The following HELZ variants were observed in gnomAD, a reference collection of about 807,000 sequenced individuals.
HELZ encodes ATP-dependent RNA helicase with zinc finger domain.
Under a neutral mutation model 218.2 loss-of-function variants are expected in HELZ, and 23 were observed. The observed-to-expected ratio is 0.11, with a 90% confidence interval of 0.08 to 0.15. The LOEUF (loss-of-function observed/expected upper bound fraction) is 0.15, where lower values mean the gene tolerates loss of function less well. Ranked by LOEUF, HELZ falls within the 10% of genes least tolerant of loss-of-function variation. The probability of loss-of-function intolerance (pLI) is 1.00; values close to 1 mark genes in which losing one functional copy is unlikely to be tolerated. For missense variants in HELZ, 1,813 were observed against 2,353.7 expected, an observed-to-expected ratio of 0.77 and a Z score of 4.75; for synonymous variants, 814 against 829.4, an observed-to-expected ratio of 0.98 and a Z score of 0.32.
intron 24 of HELZ, among the ~76,000 whole-genome samples, chr17:67,124,968 A>C (rs1463729576): frequency 2.0e-5 from 3 of 151,962 alleles, no homozygotes; most frequent in Non-Finnish European, 4.4e-5. Flanking sequence ...TTAGACACAC[A>C]CAAATTTGTA....
At chr17:67,215,064 A>C (rs1169500908) in intron 5 of HELZ, among the ~76,000 whole-genome samples, 1 of 152,060 alleles carries the variant, frequency 6.6e-6, no homozygotes. Flanking sequence ...GGACTGCTTG[A>C]GCCTGGAAGG....
rs546860413 is a variant in HELZ, at chr17:67,188,118, T to C, written c.1162+201A>G. 2 of 512,640 alleles carry C rather than the reference T, an allele frequency of 3.9e-6. No homozygotes were observed. The highest frequency in any genetic ancestry group is 3.2e-5 in the East Asian group (1 of 31,048). 31.8% of individuals were successfully genotyped at this position (512,640 alleles called of 1,614,324 possible). On this transcript the variant is annotated intron_variant, in intron 12 of 32. Transcript: ENST00000358691. This position sits in a 1 kb window ranked among gnomAD's most constrained non-coding sequence, Gnocchi z 4.1. ...TTGGGGAACCTCAAAGTTCAAGCTT[T>C]ACCTGGTGGCTCTGTGAAGAAATCA...
chr17:67,180,221 C>T (rs1425609812), intron 12 of HELZ, among the ~76,000 whole-genome samples: 2 of 152,002 alleles, frequency 1.3e-5, no homozygotes, highest in East Asian at 3.9e-4. Flanking sequence ...CAGTAGCTCC[C>T]GCCTGTAACC....
chr17:67,233,914 C>T (rs1567915280), intron 3 of HELZ, among the ~76,000 whole-genome samples: 1 of 151,624 alleles, frequency 6.6e-6, no homozygotes, highest in Non-Finnish European at 1.5e-5. Flanking sequence ...GGTGTGGTGT[C>T]GGGCACCTGT....
At position 67,086,925 on chromosome 17, in the gene HELZ, A is replaced by T. The variant is rs2036411783; in HGVS notation, c.5398T>A (p.Ser1800Thr). 1 of 1,613,694 alleles carries T rather than the reference A, an allele frequency of 6.2e-7. No homozygotes were observed. Among genetic ancestry groups the T allele is most frequent in the East Asian group, 2.2e-5 (1 of 44,832 alleles). The change falls in exon 32 of 33, where the codon TCC (serine) becomes ACC (threonine). Residue 1800 changes from serine to threonine, a missense_variant. Coordinates refer to ENST00000358691, the MANE Select transcript of HELZ (RefSeq NM_014877.4). ...HSNQSSFNFS[S>T]PESWVNTTSS... Reference sequence around the variant, plus strand: ...GTGGTGTTTACCCAGGACTCCGGGGATGAAAAGTTGAAAGAAGATTGGTTA... The same window carrying T: ...GTGGTGTTTACCCAGGACTCCGGGGTTGAAAAGTTGAAAGAAGATTGGTTA...
At position 67,075,263 on chromosome 17, in the gene HELZ, T is replaced by C. The variant is rs569119591; in HGVS notation, c.*2989A>G. On this transcript the variant is annotated 3_prime_UTR_variant, in exon 33 of 33. Transcript: ENST00000358691. ...CTGAAATTAAAAAGTGAAACAAATA[T>C]TCTGGCAAGAAAAAGAAAACTTCAG... 9 of 152,062 alleles carry C rather than the reference T, an allele frequency of 5.9e-5. No individual in the cohort carries two copies. The East Asian group carries it at 1.3e-3, about 23-fold the overall frequency. 9.4% of individuals were successfully genotyped at this position (152,062 alleles called of 1,614,324 possible).
chr17:67,244,644 C>T, intron 1 of HELZ: 1 of 961,848 alleles, frequency 1.0e-6, no homozygotes, highest in Non-Finnish European at 1.2e-6. Context: ...AGGGAGGGGG[C>T]GCACGCCTGA....
intron 23 of HELZ, among the ~76,000 whole-genome samples, chr17:67,134,620 G>A (rs2038090103): frequency 6.6e-6 from 1 of 151,514 alleles, no homozygotes; most frequent in African/African-American, 2.4e-5. Flanking sequence ...TTAACTTTTT[G>A]AGGGGTCTTA....
intron 13 of HELZ, among the ~76,000 whole-genome samples, chr17:67,178,353 T>C (rs2039515740): frequency 6.6e-6 from 1 of 152,164 alleles, no homozygotes; most frequent in Non-Finnish European, 1.5e-5. Flanking sequence ...TACCATTGAC[T>C]GAAAGCTTCT....
intron 13 of HELZ, among the ~76,000 whole-genome samples, chr17:67,169,517 A>G (rs1396318470): frequency 6.6e-6 from 1 of 152,190 alleles, no homozygotes; most frequent in African/African-American, 2.4e-5. Context: ...TTATCCACTC[A>G]TGAGGGTGGA....
At chr17:67,096,062 T>A (rs934454033) in intron 31 of HELZ, among the ~76,000 whole-genome samples, 67 of 152,332 alleles carry the variant, frequency 4.4e-4, no homozygotes, top group African/African-American at 1.4e-3. Context: ...CACAGCTCCA[T>A]CAGAGTTCTT....
intron 13 of HELZ, 121 bp downstream of exon 13, chr17:67,178,536 TAC>T: frequency 1.3e-6 from 1 of 761,140 alleles, no homozygotes. Flanking sequence ...AAAGATAGAA[TAC>T]AGTTATTCAA....
Position 67,137,832 on chromosome 17 carries a change from A to G in HELZ, c.2953+99T>C, listed in dbSNP as rs577949190. On this transcript the variant is annotated intron_variant, in intron 22 of 32. Coordinates refer to ENST00000358691, the MANE Select transcript of HELZ (RefSeq NM_014877.4). Reference sequence around the variant, plus strand: ...AAAGAACTTGATATGAAATGAACACATAACTTCAGAAAAGAGATCTTGAGT... The same window carrying G: ...AAAGAACTTGATATGAAATGAACACGTAACTTCAGAAAAGAGATCTTGAGT... 6.5e-5 allele frequency: 58 copies of G among 886,084 alleles called. 1 individual carries two copies. The South Asian group carries it at 1.5e-3, about 23-fold the overall frequency. The allele number at this position is 886,084 out of a possible 1,614,324, so 54.9% of individuals were successfully genotyped here. A position where few individuals can be genotyped will look rare whatever the true frequency, so the allele number is the denominator to read the frequency against.
In HELZ at chr17:67,094,351, G is replaced by GAGAGAGAGAT. The variant is rs1567794605; in HGVS notation, c.5242-7271_5242-7270insATCTCTCTCT. 4.5e-4 allele frequency among the ~76,000 whole-genome samples: 68 copies of GAGAGAGAGAT among 150,176 alleles called. 1 individual carries two copies. The highest frequency in any genetic ancestry group is 1.6e-3 in the African/African-American group (65 of 40,562). ...AAAAAAAAAGAGAGAGAGAGAGAGA[G>GAGAGAGAGAT]AGATACAGGCATACCTTGGAGATAT... On this transcript the variant is annotated intron_variant, in intron 31 of 32. Transcript: ENST00000358691.
rs774736510 is a variant in HELZ at position 67,188,419 on chromosome 17, G to A, written c.1062C>T (p.Asn354=). Residue 354 remains asparagine, a synonymous_variant, in exon 12 of 33, where the codon AAC becomes AAT. Coordinates refer to ENST00000358691, the MANE Select transcript of HELZ (RefSeq NM_014877.4). This position sits in a 1 kb window ranked among gnomAD's most constrained non-coding sequence, Gnocchi z 4.1. ...HYVYKVGIAF[N]TEIFGTFRQT... is the part of the protein sequence containing the mutation. ...GGCGAAAAGTTCCAAATATTTCTGT[G>A]TTAAATGCTATCCCGACTTTATACA... 3 of 1,613,908 alleles carry A rather than the reference G, an allele frequency of 1.9e-6. No homozygotes were observed. Among genetic ancestry groups the A allele is most frequent in the Admixed American group, 3.3e-5 (2 of 60,024 alleles).
intron 17 of HELZ, among the ~76,000 whole-genome samples, chr17:67,158,395 C>T (rs2038903083): frequency 6.6e-6 from 1 of 152,144 alleles, no homozygotes; most frequent in Admixed American, 6.5e-5. Flanking sequence ...TCACATGCCT[C>T]CCATGTTTGT....
intron 9 of HELZ, among the ~76,000 whole-genome samples, chr17:67,191,193 T>C (rs1393351606): frequency 5.3e-5 from 8 of 152,338 alleles, no homozygotes; most frequent in African/African-American, 1.7e-4. Context: ...CCTTTAAACA[T>C]AGTGATTTTA....
chr17:67,152,313 T>C (rs929100886), intron 17 of HELZ, among the ~76,000 whole-genome samples: 3 of 152,136 alleles, frequency 2.0e-5, no homozygotes, highest in Non-Finnish European at 2.9e-5. Context: ...AACACAACAC[T>C]GAGCGGCACG....
At chr17:67,204,528 T>C (rs1188050154) in intron 5 of HELZ, among the ~76,000 whole-genome samples, 2 of 152,200 alleles carry the variant, frequency 1.3e-5, no homozygotes, top group African/African-American at 4.8e-5. Context: ...TTATTGGCTA[T>C]ATAATGTTCT....
Sources: gnomAD v4.1 joint callset for allele counts (sites outside exome capture counted in the v4.1 genomes callset) on GRCh38, gnomAD v4.1.1 for gene constraint, Gnocchi (gnomAD v3.1) non-coding constraint, MANE v1.5 for transcripts, NCBI Gene and HGNC (gene_info 2026-07-23, HGNC 2026-07-21) for gene names.